TET3: variants seen among roughly 807,000 people sequenced by gnomAD.
The protein encoded by TET3 is tet methylcytosine dioxygenase 3, also known as methylcytosine dioxygenase TET3.
TET3 carries 19 observed loss-of-function variants against 141.4 expected under a neutral mutation model. That is an observed-to-expected ratio of 0.13 (90% CI 0.09 to 0.20). The LOEUF is 0.20. Among genes scored for constraint, TET3 ranks in the 10% least tolerant of loss-of-function variants. The probability of loss-of-function intolerance (pLI) is 1.00; values close to 1 mark genes in which losing one functional copy is unlikely to be tolerated. For missense variants in TET3, 1,874 were observed against 2,356.9 expected, an observed-to-expected ratio of 0.80 and a Z score of 4.24; for synonymous variants, 1,043 against 980.9, an observed-to-expected ratio of 1.06 and a Z score of -1.18.
rs1691260521 is a variant in TET3, at chr2:74,102,147, G to T, written c.5359G>T (p.Val1787Phe). The change falls in exon 12 of 12, where the codon GTC becomes TTC. Residue 1787 changes from valine to phenylalanine, a missense_variant. Val to Phe is a conservative substitution (Grantham distance 50). Around this residue, in one of 10 missense-constraint regions of TET3, gnomAD observed 113 missense variants for 114.3 expected, o/e 0.99. Transcript: ENST00000409262. ...VTVSSYAYTK[V>F]TGPYSRWI ...CGTGTCCTCCTATGCCTACACGAAG[G>T]TCACTGGCCCCTACAGCCGCTGGAT... 2.0e-6 allele frequency: 3 copies of T among 1,465,470 alleles called. No homozygotes were observed. The highest frequency in any genetic ancestry group is 2.7e-6 in the Non-Finnish European group (3 of 1,107,640). 90.8% of individuals were successfully genotyped at this position (1,465,470 alleles called of 1,614,324 possible). A position where few individuals can be genotyped will look rare whatever the true frequency, so the allele number is the denominator to read the frequency against.
At chr2:74,027,247 T>C (rs565639610) in intron 3 of TET3, among the ~76,000 whole-genome samples, 129 of 152,280 alleles carry the variant, frequency 8.5e-4, no homozygotes, top group Non-Finnish European at 7.4e-4. Flanking sequence ...CAAAGCTGCT[T>C]ATGGAGATGC....
chr2:74,091,271 G>T (rs1690477219), intron 8 of TET3, among the ~76,000 whole-genome samples: 1 of 152,150 alleles, frequency 6.6e-6, no homozygotes, highest in South Asian at 2.1e-4. Context: ...GAACTACTAG[G>T]AATGGAAAGA....
At chr2:74,120,359 G>A in the TET3 span, among the ~76,000 whole-genome samples, 1 of 152,262 alleles carries the variant, frequency 6.6e-6, no homozygotes. Flanking sequence ...AGGAGCTTCC[G>A]GAGAGATGGC....
intron 3 of TET3, among the ~76,000 whole-genome samples, chr2:74,041,646 C>T (rs1252803249): frequency 3.3e-5 from 5 of 152,140 alleles, no homozygotes; most frequent in Non-Finnish European, 7.3e-5. Context: ...ATATAAGTAG[C>T]TAATGGATCA....
At chr2:74,027,386 T>C (rs181213355) in intron 3 of TET3, among the ~76,000 whole-genome samples, 231 of 151,292 alleles carry the variant, frequency 1.5e-3, no homozygotes, top group Non-Finnish European at 3.0e-3. Context: ...ATAAATCATA[T>C]ACAGTTCACC....
At chr2:74,076,745 G>A (rs1468322050) in intron 5 of TET3, among the ~76,000 whole-genome samples, 1 of 152,028 alleles carries the variant, frequency 6.6e-6, no homozygotes, top group Admixed American at 6.6e-5. Context: ...TCTAGTTTGT[G>A]AATGGTAGGT....
At chr2:74,135,022 G>A in the TET3 span, 33 of 265,668 alleles carry the variant, frequency 1.2e-4, no homozygotes, top group South Asian at 1.2e-3. Flanking sequence ...AGCTTCTGTC[G>A]TGGGAGGTGG....
chr2:74,092,857 C>A, intron 8 of TET3, 45 bp from the exon 9 acceptor site: 1 of 1,519,506 alleles, frequency 6.6e-7, no homozygotes, highest in Non-Finnish European at 9.0e-7. Context: ...GCAGGGTCTG[C>A]CAGGCGGGGC....
intron 4 of TET3, among the ~76,000 whole-genome samples, chr2:74,058,804 C>T (rs1019679056): frequency 6.6e-6 from 1 of 152,152 alleles, no homozygotes; most frequent in African/African-American, 2.4e-5. Flanking sequence ...GGCTGGCAGC[C>T]TGCAGACCAA....
intron 5 of TET3, among the ~76,000 whole-genome samples, chr2:74,079,891 A>T (rs1390581670): frequency 3.3e-5 from 5 of 152,170 alleles, no homozygotes; most frequent in Non-Finnish European, 4.4e-5. Flanking sequence ...AGTCCTAGAG[A>T]GCTGGGGTTC....
At chr2:74,092,163 C>T (rs540029257) in intron 8 of TET3, among the ~76,000 whole-genome samples, 6 of 152,094 alleles carry the variant, frequency 3.9e-5, no homozygotes, top group Non-Finnish European at 5.9e-5. Flanking sequence ...AGAAATTAGC[C>T]GGCTGTGGGC....
At chr2:74,099,684 C>A (rs1483309032) in intron 11 of TET3, 72 bp downstream of exon 11, 3 of 1,391,874 alleles carry the variant, frequency 2.2e-6, no homozygotes, top group Non-Finnish European at 2.9e-6. Context: ...CTCTTCCACG[C>A]ACCCTCCTGC....
At chr2:74,023,488 C>T (rs572866519) in intron 3 of TET3, among the ~76,000 whole-genome samples, 1 of 151,606 alleles carries the variant, frequency 6.6e-6, no homozygotes, top group South Asian at 2.1e-4. Context: ...AGTGATCGTC[C>T]TCCCTCGGCC....
chr2:74,093,460 TC>T lies in TET3; in HGVS notation c.3130-65del. Reference sequence around the variant, plus strand: ...ACATCCCTCCTTCCAAGACCTGGCCTCCCCAGGTGCAGAATCGGGGCCACTC... The same window carrying T: ...ACATCCCTCCTTCCAAGACCTGGCCTCCCAGGTGCAGAATCGGGGCCACTC... On this transcript the variant is annotated intron_variant, in intron 9 of 11. Coordinates refer to ENST00000409262, the MANE Select transcript of TET3 (RefSeq NM_001287491.2). The surrounding 1 kb of genome is among the most constrained non-coding windows in gnomAD (Gnocchi z 4.2). 2.0e-6 allele frequency: 3 copies of T among 1,485,848 alleles called. No individual in the cohort carries two copies. The allele number at this position is 1,485,848 out of a possible 1,614,324, so 92.0% of individuals were successfully genotyped here. A position where few individuals can be genotyped will look rare whatever the true frequency, so the allele number is the denominator to read the frequency against.
intron 4 of TET3, among the ~76,000 whole-genome samples, chr2:74,063,268 A>G (rs1688697451): frequency 6.6e-6 from 1 of 152,046 alleles, no homozygotes; most frequent in South Asian, 2.1e-4. Flanking sequence ...ACCGTTGGTG[A>G]AGCCCAGGTG....
At chr2:74,048,439 G>A in intron 4 of TET3, 28 bp downstream of exon 4, 1 of 1,574,612 alleles carries the variant, frequency 6.4e-7, no homozygotes, top group Non-Finnish European at 8.6e-7. Flanking sequence ...TCAGGGAAGG[G>A]CAGAGAAAGG....
chr2:74,006,527 C>A (rs571497635), intron 3 of TET3, among the ~76,000 whole-genome samples: 1 of 152,178 alleles, frequency 6.6e-6, no homozygotes, highest in Non-Finnish European at 1.5e-5. Flanking sequence ...ACCGTGGGGA[C>A]GACTACAGCC....
chr2:74,112,223 A>T (rs1691720753), downstream of TET3, among the ~76,000 whole-genome samples: 1 of 151,826 alleles, frequency 6.6e-6, no homozygotes, highest in African/African-American at 2.4e-5. Flanking sequence ...TTGCATCTTT[A>T]GTAACACTGC....
intron 5 of TET3, among the ~76,000 whole-genome samples, chr2:74,080,219 C>G (rs974417935): frequency 6.6e-6 from 1 of 152,202 alleles, no homozygotes; most frequent in Admixed American, 6.5e-5. Flanking sequence ...AGGTAACGAT[C>G]AGGGACATTC....
Sources: allele counts gnomAD v4.1 joint callset (sites outside exome capture counted in the v4.1 genomes callset), GRCh38; gene constraint gnomAD v4.1.1; regional missense constraint gnomAD v4.1.1; non-coding constraint Gnocchi (gnomAD v3.1); transcripts MANE v1.5; gene names NCBI Gene and HGNC (gene_info 2026-07-23, HGNC 2026-07-21).